GPC6: variants seen among roughly 807,000 people sequenced by gnomAD.
The protein encoded by GPC6 is glypican-6.
In GPC6, 14 loss-of-function variants were observed where a neutral mutation model predicts 55.2. That is an observed-to-expected ratio of 0.25 (90% CI 0.17 to 0.40). The LOEUF (loss-of-function observed/expected upper bound fraction) is 0.40. Ranked by LOEUF, GPC6 falls within the 10% of genes least tolerant of loss-of-function variation. The probability of loss-of-function intolerance (pLI) is 1.00; values close to 1 mark genes in which losing one functional copy is unlikely to be tolerated. For missense variants in GPC6, 641 were observed against 708.5 expected (o/e 0.90, Z 1.08); for synonymous variants, 278 against 259.6 (o/e 1.07, Z -0.68).
At chr13:94,106,653 G>A (rs1477898701) in intron 4 of GPC6, among the ~76,000 whole-genome samples, 1 of 151,996 alleles carries the variant, frequency 6.6e-6, no homozygotes, top group Non-Finnish European at 1.5e-5. Context: ...GAAAAGAGTT[G>A]GAGAAGATCG....
chr13:93,615,606 C>T (rs769071458), intron 2 of GPC6, among the ~76,000 whole-genome samples: 1 of 152,090 alleles, frequency 6.6e-6, no homozygotes, highest in Non-Finnish European at 1.5e-5. Context: ...GAAAAGAAAA[C>T]ACCTGAACTA....
At chr13:93,845,769 T>C (rs1213434714) in intron 3 of GPC6, among the ~76,000 whole-genome samples, 1 of 141,910 alleles carries the variant, frequency 7.0e-6, no homozygotes, top group Non-Finnish European at 1.5e-5. Context: ...CACTCATAGG[T>C]GGGAATTGAA....
chr13:94,194,482 T>C (rs1889499454), intron 4 of GPC6, among the ~76,000 whole-genome samples: 1 of 152,172 alleles, frequency 6.6e-6, no homozygotes, highest in Non-Finnish European at 1.5e-5. Context: ...ACTATTATTC[T>C]AAGTGAAGTA....
intron 1 of GPC6, among the ~76,000 whole-genome samples, chr13:93,308,217 A>G (rs1051171103): frequency 4.6e-5 from 7 of 152,144 alleles, no homozygotes; most frequent in African/African-American, 7.2e-5. Flanking sequence ...CCCGGGAGGC[A>G]GAGCTTGCAG....
At chr13:94,085,606 CAACTT>C (rs1391164317) in intron 4 of GPC6, among the ~76,000 whole-genome samples, 1 of 151,992 alleles carries the variant, frequency 6.6e-6, no homozygotes, top group Non-Finnish European at 1.5e-5. Context: ...TTTTTTCAAA[CAACTT>C]AACTTCTTAC....
chr13:93,390,223 G>T (rs535845066), intron 1 of GPC6, among the ~76,000 whole-genome samples: 1 of 151,948 alleles, frequency 6.6e-6, no homozygotes, highest in South Asian at 2.1e-4. Context: ...TTTCCAAACT[G>T]CCTTGTAGGA....
intron 3 of GPC6, among the ~76,000 whole-genome samples, chr13:93,905,196 A>G (rs1322399049): frequency 6.6e-6 from 1 of 150,406 alleles, no homozygotes; most frequent in Non-Finnish European, 1.5e-5. Flanking sequence ...ACTGCATTGT[A>G]TGGTGGGAAA....
intron 2 of GPC6, among the ~76,000 whole-genome samples, chr13:93,766,546 A>G (rs1042129740): frequency 4.6e-5 from 7 of 152,186 alleles, no homozygotes; most frequent in Non-Finnish European, 1.0e-4. Flanking sequence ...TATACTGCCA[A>G]TGGAATTTGA....
At chr13:93,379,918 GT>G (rs1875087423) in intron 1 of GPC6, among the ~76,000 whole-genome samples, 1 of 147,756 alleles carries the variant, frequency 6.8e-6, no homozygotes, top group Admixed American at 6.8e-5. Context: ...ATAAATGTTG[GT>G]TTTGGTTATA....
chr13:93,764,145 C>CT (rs1885038823), intron 2 of GPC6, among the ~76,000 whole-genome samples: 2 of 152,116 alleles, frequency 1.3e-5, no homozygotes, highest in South Asian at 4.2e-4. Flanking sequence ...TTCTAAGCCT[C>CT]TAATATATAG....
chr13:93,947,309 AC>A (rs1275551309), intron 3 of GPC6, among the ~76,000 whole-genome samples: 2 of 152,200 alleles, frequency 1.3e-5, no homozygotes, highest in Non-Finnish European at 2.9e-5. Flanking sequence ...TTGGTCCCTA[AC>A]TTAGAACATT....
chr13:93,504,769 G>A (rs561823145), intron 1 of GPC6, among the ~76,000 whole-genome samples: 1 of 152,180 alleles, frequency 6.6e-6, no homozygotes, highest in South Asian at 2.1e-4. Context: ...ACAACATTGA[G>A]TTCCTACTAT....
intron 2 of GPC6, among the ~76,000 whole-genome samples, chr13:93,545,858 T>C (rs1027316123): frequency 6.6e-6 from 1 of 152,202 alleles, no homozygotes; most frequent in African/African-American, 2.4e-5. Context: ...GATTCCTTTA[T>C]TTTAGACTTT....
At chr13:93,736,284 A>G (rs186704477) in intron 2 of GPC6, among the ~76,000 whole-genome samples, 2 of 152,328 alleles carry the variant, frequency 1.3e-5, no homozygotes, top group African/African-American at 4.8e-5. Context: ...AATGTGTGGG[A>G]AACTTTAACA....
At chr13:93,761,356 A>T (rs1884948797) in intron 2 of GPC6, among the ~76,000 whole-genome samples, 1 of 152,188 alleles carries the variant, frequency 6.6e-6, no homozygotes, top group Non-Finnish European at 1.5e-5. Flanking sequence ...ATAGAGACAG[A>T]TTAGAAACTA....
intron 4 of GPC6, among the ~76,000 whole-genome samples, chr13:94,245,069 ATACTGTGATT>A (rs1891157845): frequency 6.6e-6 from 1 of 151,974 alleles, no homozygotes; most frequent in African/African-American, 2.4e-5. Context: ...AATTCTGAAT[ATACTGTGATT>A]TACTGTGGTC....
chr13:93,663,795 G>A (rs1881024700), intron 2 of GPC6, among the ~76,000 whole-genome samples: 2 of 152,244 alleles, frequency 1.3e-5, no homozygotes, highest in Middle Eastern at 3.4e-3. Context: ...TCCACTAATA[G>A]CAAGGACTGT....
At chr13:94,277,766 C>T (rs9524398) in intron 4 of GPC6, among the ~76,000 whole-genome samples, 53,181 of 151,870 alleles carry the variant, frequency 0.35, 9,693 homozygotes, top group South Asian at 0.46. Flanking sequence ...TTTCTGAGGT[C>T]TCTGTTCTGT....
intron 2 of GPC6, among the ~76,000 whole-genome samples, chr13:93,744,757 G>A (rs956054693): frequency 8.0e-5 from 12 of 150,860 alleles, no homozygotes; most frequent in Admixed American, 1.3e-4. Context: ...TGGTGAAACC[G>A]TCTCTACTGA....
Sources: gnomAD v4.1 joint callset for allele counts (sites outside exome capture counted in the v4.1 genomes callset) on GRCh38, gnomAD v4.1.1 for gene constraint, MANE v1.5 for transcripts, NCBI Gene and HGNC (gene_info 2026-07-23, HGNC 2026-07-21) for gene names.